The following YEATS4 variants were observed in gnomAD, a reference collection of about 807,000 sequenced individuals.
YEATS4 encodes the protein YEATS domain-containing protein 4.
A neutral mutation model predicts 30.1 loss-of-function variants in YEATS4; 17 were observed. That is an observed-to-expected ratio of 0.56 (90% CI 0.39 to 0.85). The LOEUF is 0.85. Among genes scored for constraint, YEATS4 ranks in the 40% least tolerant of loss-of-function variants. The probability of loss-of-function intolerance (pLI) is 0.00; values close to 1 mark genes in which losing one functional copy is unlikely to be tolerated. For synonymous variants in YEATS4, 85 were observed against 87.5 expected (o/e 0.97, Z 0.16); for missense variants, 142 against 268.3 (o/e 0.53, Z 3.29).
At chr12:69,407,913 T>G in the YEATS4 span, among the ~76,000 whole-genome samples, 1 of 151,898 alleles carries the variant, frequency 6.6e-6, no homozygotes, top group Non-Finnish European at 1.5e-5. Context: ...ACAGGGTTTC[T>G]CCATGTTGGT....
intron 6 of YEATS4, among the ~76,000 whole-genome samples, chr12:69,372,213 A>T (rs1483190381): frequency 1.3e-5 from 2 of 152,166 alleles, no homozygotes; most frequent in Non-Finnish European, 2.9e-5. Context: ...TTTTGTGGGT[A>T]TATTGTAGGT....
At chr12:69,375,309 G>A (rs1264393900) in intron 6 of YEATS4, among the ~76,000 whole-genome samples, 2 of 150,944 alleles carry the variant, frequency 1.3e-5, no homozygotes, top group East Asian at 2.0e-4. Flanking sequence ...CAGATGGGGC[G>A]GCGGGGCAGA....
the YEATS4 span, among the ~76,000 whole-genome samples, chr12:69,401,610 G>C: frequency 1.3e-5 from 2 of 152,214 alleles, no homozygotes. Flanking sequence ...TGAAGTATCT[G>C]AGTGTGGTCT....
chr12:69,390,366 C>A lies in YEATS4; in HGVS notation c.*50C>A. On this transcript the variant is annotated 3_prime_UTR_variant, in exon 7 of 7. Transcript: ENST00000247843. ...TAAGCTAAACTGAAAATAAGGTGGGCTTCACTGGAGAAATGGACTTACTGC... is the reference window on the plus strand; with the variant it reads ...TAAGCTAAACTGAAAATAAGGTGGGATTCACTGGAGAAATGGACTTACTGC... 1.4e-6 allele frequency: 2 copies of A among 1,475,458 alleles called. No individual in the cohort carries two copies. Among genetic ancestry groups the A allele is most frequent in the South Asian group, 1.5e-5 (1 of 68,674 alleles). 91.4% of individuals were successfully genotyped at this position (1,475,458 alleles called of 1,614,324 possible).
the YEATS4 span, among the ~76,000 whole-genome samples, chr12:69,399,074 G>C: frequency 6.6e-6 from 1 of 151,818 alleles, no homozygotes; most frequent in Admixed American, 6.6e-5. Context: ...GTGAACCCGG[G>C]AGGCGGAGGT....
At chr12:69,362,568 A>G (rs899353011) in intron 1 of YEATS4, among the ~76,000 whole-genome samples, 1 of 152,206 alleles carries the variant, frequency 6.6e-6, no homozygotes, top group Admixed American at 6.5e-5. Flanking sequence ...ATGGTAATTT[A>G]AATAAAAGCA....
At chr12:69,382,063 T>A (rs1876100290) in intron 6 of YEATS4, among the ~76,000 whole-genome samples, 1 of 149,222 alleles carries the variant, frequency 6.7e-6, no homozygotes, top group Non-Finnish European at 1.5e-5. Context: ...TTTAGTTATG[T>A]CCAATGATAA....
the YEATS4 span, among the ~76,000 whole-genome samples, chr12:69,410,428 A>G: frequency 1.3e-5 from 2 of 152,172 alleles, no homozygotes; most frequent in African/African-American, 2.4e-5. Context: ...AATGAGCCCA[A>G]ATCTACTGCC....
chr12:69,360,915 G>T (rs1337190246), intron 1 of YEATS4, among the ~76,000 whole-genome samples: 2 of 151,778 alleles, frequency 1.3e-5, no homozygotes, highest in Non-Finnish European at 2.9e-5. Context: ...TTAACGTGCA[G>T]GGCCGGGCAA....
chr12:69,393,639 A>G (rs1868331757), downstream of YEATS4, among the ~76,000 whole-genome samples: 1 of 152,138 alleles, frequency 6.6e-6, no homozygotes, highest in Non-Finnish European at 1.5e-5. Context: ...CCCAGAAATC[A>G]TAAAGTTTTG....
rs79641918 is a variant in YEATS4 at position 69,383,536 on chromosome 12, G to A, written c.515-6611G>A. Reference sequence around the variant, plus strand: ...GGAGATAACCAGCAAAGGGAATGAAGAACAAACAGCAAATATGGAGGGAGA... The same window carrying A: ...GGAGATAACCAGCAAAGGGAATGAAAAACAAACAGCAAATATGGAGGGAGA... On this transcript the variant is annotated intron_variant, in intron 6 of 6. Coordinates refer to ENST00000247843, the MANE Select transcript of YEATS4 (RefSeq NM_006530.4). 4.9e-3 allele frequency among the ~76,000 whole-genome samples: 742 copies of A among 152,286 alleles called. 10 individuals carry two copies. The highest frequency in any genetic ancestry group is 0.031 in the Middle Eastern group (9 of 294).
the YEATS4 span, among the ~76,000 whole-genome samples, chr12:69,420,645 C>A: frequency 6.6e-6 from 1 of 152,120 alleles, no homozygotes; most frequent in Non-Finnish European, 1.5e-5. Flanking sequence ...TGGAAAATTC[C>A]AGGACCAAAC....
intron 1 of YEATS4, among the ~76,000 whole-genome samples, chr12:69,360,566 T>C (rs580059): frequency 0.062 from 9,514 of 152,242 alleles, 442 homozygotes; most frequent in African/African-American, 0.13. Flanking sequence ...GAACATTCAG[T>C]AAATGTCAAC....
the YEATS4 span, among the ~76,000 whole-genome samples, chr12:69,395,923 C>T: frequency 1.3e-5 from 2 of 152,254 alleles, no homozygotes; most frequent in East Asian, 1.9e-4. Context: ...CTATCTCCTG[C>T]CCCAGCCTGG....
chr12:69,387,418 T>C (rs779027350), intron 6 of YEATS4, among the ~76,000 whole-genome samples: 1 of 152,186 alleles, frequency 6.6e-6, no homozygotes, highest in Non-Finnish European at 1.5e-5. Context: ...AGTACATATA[T>C]ATTCTATAAC....
the YEATS4 span, among the ~76,000 whole-genome samples, chr12:69,412,661 T>C: frequency 6.6e-6 from 1 of 151,726 alleles, no homozygotes; most frequent in African/African-American, 2.4e-5. Flanking sequence ...TCAAAACAAA[T>C]AAATAAATAA....
downstream of YEATS4, among the ~76,000 whole-genome samples, chr12:69,393,275 TA>T (rs550967932): frequency 7.6e-3 from 1,158 of 152,086 alleles, 7 homozygotes; most frequent in Middle Eastern, 0.014. Context: ...ACCTGGTCTC[TA>T]CAAAAAAAAC....
chr12:69,366,588 A>T (rs2120922945), intron 4 of YEATS4, among the ~76,000 whole-genome samples: 1 of 152,184 alleles, frequency 6.6e-6, no homozygotes, highest in Admixed American at 6.5e-5. Flanking sequence ...GAGTAAAACC[A>T]CTAGGCCTTT....
the YEATS4 span, among the ~76,000 whole-genome samples, chr12:69,406,968 C>T: frequency 6.6e-6 from 1 of 151,924 alleles, no homozygotes; most frequent in Non-Finnish European, 1.5e-5. Context: ...GCATGCACCA[C>T]CACACCTGGC....
Sources: allele counts gnomAD v4.1 joint callset (sites outside exome capture counted in the v4.1 genomes callset), GRCh38; gene constraint gnomAD v4.1.1; transcripts MANE v1.5; gene names NCBI Gene and HGNC (gene_info 2026-07-23, HGNC 2026-07-21).